Variants in ITPKB observed in about 807,000 individuals in gnomAD.
ITPKB encodes IP3 3-kinase B.
Under a neutral mutation model 69.4 loss-of-function variants are expected in ITPKB, and 13 were observed. That is an observed-to-expected ratio of 0.19 (90% CI 0.12 to 0.30). ITPKB has a LOEUF of 0.30. Among genes scored for constraint, ITPKB ranks in the 10% least tolerant of loss-of-function variants. ITPKB has a pLI of 1.00. For synonymous variants in ITPKB, 584 were observed against 513.7 expected (o/e 1.14, Z -1.85); for missense variants, 1,240 against 1,250.5 (o/e 0.99, Z 0.13).
At chr1:226,643,136 C>T (rs1391322332) in intron 4 of ITPKB, among the ~76,000 whole-genome samples, 3 of 152,214 alleles carry the variant, frequency 2.0e-5, no homozygotes, top group African/African-American at 7.2e-5. Context: ...CGAGCAGCTC[C>T]AGCTGAACTG....
Position 226,736,479 on chromosome 1 carries a change from G to C in ITPKB, c.980C>G (p.Ser327Cys). The C allele has an allele frequency of 6.2e-7, 1 of 1,613,942 alleles. No individual in the cohort carries two copies. Among genetic ancestry groups the C allele is most frequent in the South Asian group, 1.1e-5 (1 of 91,086 alleles). The change falls in exon 2 of 8, where the codon TCT becomes TGT. Residue 327 changes from serine (S) to cysteine (C), a missense_variant. By Grantham distance (112) the Ser-to-Cys change is moderately radical (BLOSUM62 -1). This residue lies in a region of ITPKB where 992 missense variants were observed against 853.8 expected (regional missense o/e 1.16). Coordinates refer to ENST00000429204, the MANE Select transcript of ITPKB (RefSeq NM_002221.4). ...RPQDLALTEP[S>C]GRARELEDLQ... ...GTCCTCAAGCTCACGGGCTCTCCCA[G>C]ACGGCTCAGTGAGGGCAAGATCCTG...
At chr1:226,727,999 C>G (rs752172602) in intron 2 of ITPKB, among the ~76,000 whole-genome samples, 36 of 152,146 alleles carry the variant, frequency 2.4e-4, no homozygotes, top group Non-Finnish European at 3.7e-4. Context: ...GTGAGCTTCA[C>G]GAGGAAGGAT....
At chr1:226,696,632 C>T (rs1044145916) in intron 2 of ITPKB, among the ~76,000 whole-genome samples, 3 of 152,184 alleles carry the variant, frequency 2.0e-5, no homozygotes, top group African/African-American at 4.8e-5. Context: ...ACCAAGCAAC[C>T]GCTAAGATGG....
At chr1:226,649,575 G>C (rs1024124905) in intron 2 of ITPKB, among the ~76,000 whole-genome samples, 3 of 152,008 alleles carry the variant, frequency 2.0e-5, no homozygotes, top group African/African-American at 7.2e-5. Flanking sequence ...GTGTGCATGA[G>C]TGTGTGCGTG....
chr1:226,700,298 G>A (rs916093515), intron 2 of ITPKB, among the ~76,000 whole-genome samples: 4 of 151,684 alleles, frequency 2.6e-5, no homozygotes, highest in Admixed American at 6.6e-5. Flanking sequence ...GTGAAACCCC[G>A]TCTCTACTAA....
chr1:226,680,952 A>C (rs1207551629), intron 2 of ITPKB, among the ~76,000 whole-genome samples: 1 of 152,168 alleles, frequency 6.6e-6, no homozygotes, highest in African/African-American at 2.4e-5. Context: ...GTTGCTAAGA[A>C]AAAGTCCGCA....
chr1:226,666,068 T>TGACA (rs1669497392), intron 2 of ITPKB, among the ~76,000 whole-genome samples: 1 of 152,100 alleles, frequency 6.6e-6, no homozygotes, highest in East Asian at 1.9e-4. Flanking sequence ...ATGAAAGAAA[T>TGACA]GACAGACATG....
At position 226,735,952 on chromosome 1, in the gene ITPKB, G is replaced by C; in HGVS notation, c.1507C>G (p.Pro503Ala). The change falls in exon 2 of 8, where the codon CCT becomes GCT. Residue 503 changes from proline to alanine, a missense_variant. This residue lies in a region of ITPKB where 992 missense variants were observed against 853.8 expected (regional missense o/e 1.16). Transcript: ENST00000429204. ...CCCTGCCAAACCCTGGAGTTCCCAG[G>C]CTGCACACCCACCCTGTCCCCAGGA... ...CPPGDRVGVQPGNSRVWQGTM... is the reference protein window; with the variant it reads ...CPPGDRVGVQAGNSRVWQGTM... 6.2e-7 allele frequency: 1 copy of C among 1,614,050 alleles called. No individual in the cohort carries two copies. The highest frequency in any genetic ancestry group is 8.5e-7 in the Non-Finnish European group (1 of 1,180,004).
chr1:226,650,571 C>A (rs969515896), intron 2 of ITPKB, among the ~76,000 whole-genome samples: 1 of 152,224 alleles, frequency 6.6e-6, no homozygotes, highest in Non-Finnish European at 1.5e-5. Flanking sequence ...CAAGATGAGC[C>A]CAGCAGTGGC....
intron 2 of ITPKB, among the ~76,000 whole-genome samples, chr1:226,725,610 A>G (rs1047410539): frequency 6.6e-6 from 1 of 152,192 alleles, no homozygotes; most frequent in Non-Finnish European, 1.5e-5. Context: ...CAGTCTCCCT[A>G]TCATGATTCA....
chr1:226,700,622 C>T (rs568298680), intron 2 of ITPKB, among the ~76,000 whole-genome samples: 2 of 152,100 alleles, frequency 1.3e-5, no homozygotes, highest in South Asian at 4.1e-4. Flanking sequence ...CCACATAAAC[C>T]CAATGCCAAA....
At position 226,632,728 on chromosome 1, in the gene ITPKB, C is replaced by T. The variant is rs1032168032; in HGVS notation, c.*1943G>A. 6.6e-6 allele frequency: 1 copy of T among 152,628 alleles called. No individual in the cohort carries two copies. The highest frequency in any genetic ancestry group is 2.4e-5 in the African/African-American group (1 of 41,458). 9.5% of individuals were successfully genotyped at this position (152,628 alleles called of 1,614,324 possible). On this transcript the variant is annotated 3_prime_UTR_variant, in exon 8 of 8. Coordinates refer to ENST00000429204, the MANE Select transcript of ITPKB (RefSeq NM_002221.4). ...CCTAAAGTGCTTGGAACATTTTGTT[C>T]TCTTAAACAGGTCCCCTGTAATTTT...
chr1:226,681,014 G>A (rs1218594233), intron 2 of ITPKB, among the ~76,000 whole-genome samples: 1 of 152,198 alleles, frequency 6.6e-6, no homozygotes, highest in Non-Finnish European at 1.5e-5. Flanking sequence ...ACAAGACTTT[G>A]AGATGCATGC....
chr1:226,715,482 C>G (rs1448226379), intron 2 of ITPKB, among the ~76,000 whole-genome samples: 1 of 152,238 alleles, frequency 6.6e-6, no homozygotes, highest in Non-Finnish European at 1.5e-5. Context: ...GATCAACACA[C>G]ACAACCATCC....
At chr1:226,723,958 C>G (rs1657324904) in intron 2 of ITPKB, among the ~76,000 whole-genome samples, 1 of 152,162 alleles carries the variant, frequency 6.6e-6, no homozygotes, top group South Asian at 2.1e-4. Flanking sequence ...ATTAGCTGTA[C>G]TTGGGACAAC....
chr1:226,722,107 C>T (rs1052728337), intron 2 of ITPKB, among the ~76,000 whole-genome samples: 12 of 152,320 alleles, frequency 7.9e-5, no homozygotes, highest in African/African-American at 2.9e-4. Flanking sequence ...GCCACCGCAC[C>T]CAGCCATAAA....
intron 2 of ITPKB, among the ~76,000 whole-genome samples, chr1:226,686,400 T>C (rs1656217176): frequency 1.3e-5 from 2 of 152,220 alleles, no homozygotes. Flanking sequence ...GATACCATTA[T>C]TAGATTGGGG....
chr1:226,648,844 C>A, intron 2 of ITPKB, 73 bp from the exon 3 acceptor site: 1 of 1,053,486 alleles, frequency 9.5e-7, no homozygotes, highest in Non-Finnish European at 1.5e-6. Context: ...AAATTCAAAG[C>A]AAAGGCCCTC....
In ITPKB at chr1:226,735,757, C is replaced by T; in HGVS notation, c.1702G>A (p.Ala568Thr). The T allele has an allele frequency of 6.3e-7, 1 of 1,596,964 alleles. No homozygotes were observed. Residue 568 changes from alanine to threonine, a missense_variant, in exon 2 of 8, where the codon GCT becomes ACT. Physicochemically the swap from Ala to Thr is moderately conservative, Grantham distance 58. Around this residue, in one of 2 missense-constraint regions of ITPKB, gnomAD observed 992 missense variants for 853.8 expected, o/e 1.16. Transcript: ENST00000429204. ...GTGCCCATGTCTGTAATGATGACAG[C>T]AGGTATGTTGCTGGGGCTGCAGGCC... ...RKACSPSNIP[A>T]VIITDMGTQE...
Sources: gnomAD v4.1 joint callset for allele counts (sites outside exome capture counted in the v4.1 genomes callset) on GRCh38, gnomAD v4.1.1 for gene constraint, gnomAD v4.1.1 regional missense constraint, MANE v1.5 for transcripts, NCBI Gene and HGNC (gene_info 2026-07-23, HGNC 2026-07-21) for gene names.